The following CAMTA1 variants were observed in gnomAD, a reference collection of about 807,000 sequenced individuals.
CAMTA1 encodes the protein calmodulin-binding transcription activator 1.
A neutral mutation model predicts 170.9 loss-of-function variants in CAMTA1; 27 were observed. The observed-to-expected ratio is 0.16, with a 90% CI of 0.12 to 0.22. The LOEUF (loss-of-function observed/expected upper bound fraction) is 0.22, where lower values mean the gene tolerates loss of function less well. Ranked by LOEUF, CAMTA1 falls within the 10% of genes least tolerant of loss-of-function variation. The probability of loss-of-function intolerance (pLI) is 1.00; values close to 1 mark genes in which losing one functional copy is unlikely to be tolerated. For missense variants in CAMTA1, 1,619 were observed against 2,217.2 expected (o/e 0.73, Z 5.42); for synonymous variants, 833 against 891.5 (o/e 0.93, Z 1.17).
intron 4 of CAMTA1, among the ~76,000 whole-genome samples, chr1:7,109,849 A>T (rs1278668311): frequency 6.6e-6 from 1 of 152,152 alleles, no homozygotes; most frequent in Non-Finnish European, 1.5e-5. Flanking sequence ...AGATGGGATG[A>T]TTCAGAGGGG....
chr1:7,111,327 G>T (rs974795593), intron 4 of CAMTA1, among the ~76,000 whole-genome samples: 3 of 152,208 alleles, frequency 2.0e-5, no homozygotes, highest in African/African-American at 7.2e-5. Flanking sequence ...GACATCTGGG[G>T]AGAGGGGTAC....
intron 10 of CAMTA1, among the ~76,000 whole-genome samples, chr1:7,672,268 G>A (rs2096067314): frequency 6.6e-6 from 1 of 151,968 alleles, no homozygotes; most frequent in Non-Finnish European, 1.5e-5. Flanking sequence ...GCCCCAGGGT[G>A]TTTCTAGGTT....
At chr1:6,968,286 G>C (rs997182074) in intron 3 of CAMTA1, among the ~76,000 whole-genome samples, 1 of 152,130 alleles carries the variant, frequency 6.6e-6, no homozygotes, top group Non-Finnish European at 1.5e-5. Flanking sequence ...CTTGCCCTCC[G>C]CTCTTTCTGT....
intron 6 of CAMTA1, among the ~76,000 whole-genome samples, chr1:7,488,491 A>G (rs1046449854): frequency 4.6e-5 from 7 of 151,958 alleles, no homozygotes; most frequent in Admixed American, 1.3e-4. Flanking sequence ...CACACACACA[A>G]TACACACACA....
At chr1:7,227,721 T>C (rs1300002683) in intron 4 of CAMTA1, among the ~76,000 whole-genome samples, 3 of 152,194 alleles carry the variant, frequency 2.0e-5, no homozygotes, top group Non-Finnish European at 4.4e-5. Context: ...TAATGATCTT[T>C]TATGACAAGG....
intron 6 of CAMTA1, among the ~76,000 whole-genome samples, chr1:7,498,430 CGTGT>C (rs761587712): frequency 1.6e-4 from 23 of 141,098 alleles, no homozygotes; most frequent in Non-Finnish European, 2.8e-4. Flanking sequence ...TGTGGATGTG[CGTGT>C]GTATGAGTGT....
intron 1 of CAMTA1, among the ~76,000 whole-genome samples, chr1:6,809,533 G>C (rs1324816560): frequency 6.6e-6 from 1 of 152,146 alleles, no homozygotes; most frequent in African/African-American, 2.4e-5. Context: ...GAGAAGGGCT[G>C]TGAGGAGGTC....
At chr1:6,907,320 A>C (rs1678725814) in intron 3 of CAMTA1, among the ~76,000 whole-genome samples, 1 of 152,086 alleles carries the variant, frequency 6.6e-6, no homozygotes, top group Non-Finnish European at 1.5e-5. Context: ...TGTTGTAAGG[A>C]GACATGGCAA....
chr1:6,994,675 C>CT (rs148091916), intron 3 of CAMTA1, among the ~76,000 whole-genome samples: 25,972 of 149,672 alleles, frequency 0.17, 2,472 homozygotes, highest in South Asian at 0.26. Context: ...GTTTGAACTT[C>CT]TTTTTTTTTT....
intron 6 of CAMTA1, among the ~76,000 whole-genome samples, chr1:7,574,933 C>T (rs1027702414): frequency 6.6e-5 from 10 of 152,198 alleles, no homozygotes; most frequent in African/African-American, 1.4e-4. Context: ...CAGGGAAGGA[C>T]GGACATGTCG....
chr1:6,938,059 A>G (rs1374913716), intron 3 of CAMTA1, among the ~76,000 whole-genome samples: 1 of 152,262 alleles, frequency 6.6e-6, no homozygotes, highest in Non-Finnish European at 1.5e-5. Context: ...AAGTAACAGA[A>G]CTAGGACTTG....
chr1:6,787,457 T>G (rs947867847), intron 1 of CAMTA1, among the ~76,000 whole-genome samples: 2 of 152,266 alleles, frequency 1.3e-5, no homozygotes, highest in African/African-American at 4.8e-5. Flanking sequence ...TGATGCTATA[T>G]TCATTTGTTT....
intron 5 of CAMTA1, among the ~76,000 whole-genome samples, chr1:7,402,418 A>G (rs705694): frequency 0.77 from 117,044 of 152,102 alleles, 46,077 homozygotes; most frequent in African/African-American, 0.91. Flanking sequence ...GACATTACCC[A>G]GCACCTGTCA....
rs764650012 is a variant in CAMTA1 at position 7,173,030 on chromosome 1, G to A, written c.303-76461G>A. Among the ~76,000 whole-genome samples, 5 of 152,216 alleles carry A rather than the reference G, an allele frequency of 3.3e-5. No homozygotes were observed. The highest frequency in any genetic ancestry group is 5.9e-5 in the Non-Finnish European group (4 of 68,048). The stretch of plus-strand genomic sequence containing the variant: ...GTGTCCATCCATCCCGTGCTGGAGC[G>A]TGGCTGGGGACAGGCTGTGCGGGAG... On this transcript the variant is annotated intron_variant, in intron 4 of 22. Transcript: ENST00000303635. This position sits in a 1 kb window ranked among gnomAD's most constrained non-coding sequence, Gnocchi z 5.4.
In CAMTA1 at chr1:7,179,566, C is replaced by T. The variant is rs182726321; in HGVS notation, c.303-69925C>T. Among the ~76,000 whole-genome samples, 208 of 152,154 alleles carry T rather than the reference C, an allele frequency of 1.4e-3. 1 individual carries two copies. The highest frequency in any genetic ancestry group is 4.5e-3 in the African/African-American group (186 of 41,504). On this transcript the variant is annotated intron_variant, in intron 4 of 22. Transcript: ENST00000303635. ...TATTATAAACAATACTTTCTAACCA[C>T]GGTGCACTAAAACTGGACATTATTA...
chr1:7,371,162 C>T (rs899547305), intron 5 of CAMTA1, among the ~76,000 whole-genome samples: 5 of 152,078 alleles, frequency 3.3e-5, no homozygotes, highest in Middle Eastern at 3.2e-3. Flanking sequence ...CCTCCTGCCT[C>T]GGCCTCCCAA....
chr1:6,798,772 A>ATC (rs1643207845), intron 1 of CAMTA1, among the ~76,000 whole-genome samples: 1 of 125,014 alleles, frequency 8.0e-6, no homozygotes, highest in Non-Finnish European at 1.7e-5. Flanking sequence ...AATTTTTTGT[A>ATC]TTTTTAGTAG....
intron 3 of CAMTA1, 64 bp downstream of exon 3, chr1:6,825,274 C>A: frequency 2.7e-6 from 2 of 751,946 alleles, no homozygotes; most frequent in Non-Finnish European, 4.5e-6. Flanking sequence ...GGTTGCTTCA[C>A]ATAGTCCTAC....
At chr1:7,270,640 T>C (rs886506717) in intron 5 of CAMTA1, among the ~76,000 whole-genome samples, 7 of 152,128 alleles carry the variant, frequency 4.6e-5, no homozygotes, top group African/African-American at 1.2e-4. Flanking sequence ...TAGAAAATGT[T>C]ACAGGATGAA....
Sources: gnomAD v4.1 joint callset for allele counts (sites outside exome capture counted in the v4.1 genomes callset) on GRCh38, gnomAD v4.1.1 for gene constraint, Gnocchi (gnomAD v3.1) non-coding constraint, MANE v1.5 for transcripts, NCBI Gene and HGNC (gene_info 2026-07-23, HGNC 2026-07-21) for gene names.